The following DAB1 variants were observed in gnomAD, a reference collection of about 807,000 sequenced individuals.
DAB1 encodes the protein DAB adaptor protein 1.
Under a neutral mutation model 64.6 loss-of-function variants are expected in DAB1, and 15 were observed. That is an observed-to-expected ratio of 0.23 (90% CI 0.16 to 0.36). The LOEUF (loss-of-function observed/expected upper bound fraction) is 0.36, where lower values mean the gene tolerates loss of function less well. Among genes scored for constraint, DAB1 ranks in the 10% least tolerant of loss-of-function variants. The pLI is 1.00. For synonymous variants in DAB1, 235 were observed against 251.9 expected, an observed-to-expected ratio of 0.93 and a Z score of 0.64; for missense variants, 596 against 706.7, an observed-to-expected ratio of 0.84 and a Z score of 1.78.
At chr1:58,312,010 G>A (rs1662442114) in intron 4 of DAB1, among the ~76,000 whole-genome samples, 1 of 152,148 alleles carries the variant, frequency 6.6e-6, no homozygotes, top group South Asian at 2.1e-4. Flanking sequence ...TGTAATAAGT[G>A]CATTAGCATC....
intron 1 of DAB1, among the ~76,000 whole-genome samples, chr1:57,850,701 A>G (rs1653484416): frequency 6.6e-6 from 1 of 152,142 alleles, no homozygotes; most frequent in Non-Finnish European, 1.5e-5. Flanking sequence ...GGCACATTCA[A>G]TGTGATACAC....
chr1:57,169,257 C>T (rs967348741), intron 2 of DAB1, among the ~76,000 whole-genome samples: 1 of 152,046 alleles, frequency 6.6e-6, no homozygotes, highest in African/African-American at 2.4e-5. Context: ...ATAGAGAAAC[C>T]CACTCTTCAA....
At chr1:57,092,457 T>C (rs1184287944) in intron 4 of DAB1, among the ~76,000 whole-genome samples, 2 of 152,006 alleles carry the variant, frequency 1.3e-5, no homozygotes, top group African/African-American at 4.8e-5. Context: ...TCATGAGATG[T>C]CATGGTTTTA....
chr1:58,131,341 T>C (rs1056796440), intron 5 of DAB1, among the ~76,000 whole-genome samples: 1 of 140,768 alleles, frequency 7.1e-6, no homozygotes, highest in African/African-American at 2.5e-5. Context: ...CTATTGGTTA[T>C]TCTAGTTATA....
In DAB1 at chr1:57,951,423, T is replaced by C. The variant is rs12044694; in HGVS notation, n.388-67261A>G. ...TTATTCAAATTGCCAGTTTGACCAA[T>C]GTAGAAACACTGACTTATCCAGTTG... On this transcript the variant is annotated intron_variant and non_coding_transcript_variant, in intron 5 of 20. Coordinates refer to the DAB1 transcript ENST00000485760. Among the ~76,000 whole-genome samples, 1,130 of 150,420 alleles carry C rather than the reference T, an allele frequency of 7.5e-3. 23 individuals carry two copies. The East Asian group carries it at 0.08, about 11-fold the overall frequency.
At chr1:57,913,642 T>C (rs1314340277) in intron 5 of DAB1, among the ~76,000 whole-genome samples, 1 of 152,072 alleles carries the variant, frequency 6.6e-6, no homozygotes, top group Non-Finnish European at 1.5e-5. Flanking sequence ...GAAACTACCA[T>C]CAGAGTGAAC....
rs370863642 is a variant in DAB1 at position 58,473,411 on chromosome 1, G to A, written n.257+32649C>T. The stretch of plus-strand genomic sequence containing the variant: ...CAAAAAATTAGCCGGGCGCGGTGGC[G>A]GGCGCCTGTAGTCCCAGCTACTCGG... On this transcript the variant is annotated intron_variant and non_coding_transcript_variant, in intron 3 of 20. Transcript: ENST00000485760. Among the ~76,000 whole-genome samples the A allele has an allele frequency of 0.011, 1,626 of 151,820 alleles. 47 individuals are homozygous for A. The East Asian group carries it at 0.12, about 11-fold the overall frequency.
At chr1:58,015,113 C>G (rs1646720286) in intron 5 of DAB1, among the ~76,000 whole-genome samples, 1 of 152,198 alleles carries the variant, frequency 6.6e-6, no homozygotes, top group South Asian at 2.1e-4. Context: ...TTGGCCTTAG[C>G]TATGCCATCC....
At chr1:58,328,960 A>G (rs1486294247) in intron 4 of DAB1, among the ~76,000 whole-genome samples, 1 of 152,178 alleles carries the variant, frequency 6.6e-6, no homozygotes, top group Non-Finnish European at 1.5e-5. Context: ...CCCAGGCAGA[A>G]ATAACCACTC....
At chr1:58,326,271 A>G (rs1239309040) in intron 4 of DAB1, among the ~76,000 whole-genome samples, 2 of 152,148 alleles carry the variant, frequency 1.3e-5, no homozygotes, top group African/African-American at 4.8e-5. Context: ...TGCGATTTTT[A>G]AATAACTCAG....
chr1:58,199,595 A>G (rs147832060), intron 4 of DAB1, among the ~76,000 whole-genome samples: 1 of 152,314 alleles, frequency 6.6e-6, no homozygotes, highest in East Asian at 1.9e-4. Flanking sequence ...TGTCATTTAA[A>G]TATTTACTAT....
intron 5 of DAB1, among the ~76,000 whole-genome samples, chr1:57,967,081 C>T (rs766989764): frequency 3.9e-5 from 6 of 152,122 alleles, no homozygotes; most frequent in Admixed American, 1.3e-4. Context: ...ACAAGAATGT[C>T]AAGAGCTTTT....
At chr1:57,578,853 C>T (rs919534867) in intron 7 of DAB1, among the ~76,000 whole-genome samples, 2 of 152,210 alleles carry the variant, frequency 1.3e-5, no homozygotes, top group African/African-American at 2.4e-5. Flanking sequence ...GACTTCCTTT[C>T]TAATTCTCTG....
intron 7 of DAB1, among the ~76,000 whole-genome samples, chr1:57,479,729 G>C (rs1003245838): frequency 6.6e-6 from 1 of 152,066 alleles, no homozygotes; most frequent in Non-Finnish European, 1.5e-5. Flanking sequence ...TGGCACAATG[G>C]AAGCTCCTTG....
intron 6 of DAB1, among the ~76,000 whole-genome samples, chr1:57,731,490 A>G (rs1647414876): frequency 1.3e-5 from 2 of 151,834 alleles, no homozygotes; most frequent in Admixed American, 1.3e-4. Flanking sequence ...TTACCACAAT[A>G]AAAAATGAAA....
intron 7 of DAB1, among the ~76,000 whole-genome samples, chr1:57,531,465 C>T (rs1489334449): frequency 2.0e-5 from 3 of 152,114 alleles, no homozygotes; most frequent in African/African-American, 7.2e-5. Flanking sequence ...GTGGTCTCTT[C>T]ACAGGGACAC....
intron 3 of DAB1, among the ~76,000 whole-genome samples, chr1:58,451,920 C>CTTT (rs34824870): frequency 6.9e-4 from 95 of 137,968 alleles, no homozygotes; most frequent in African/African-American, 2.3e-3. Flanking sequence ...TTTTTCTTTC[C>CTTT]TTTTTTTTTT....
chr1:57,474,426 C>A (rs757365739), intron 7 of DAB1, among the ~76,000 whole-genome samples: 7 of 152,098 alleles, frequency 4.6e-5, no homozygotes, highest in Non-Finnish European at 8.8e-5. Flanking sequence ...CAAATATTAT[C>A]TAATTTAAAA....
At chr1:57,594,400 C>A (rs1315067836) in intron 7 of DAB1, among the ~76,000 whole-genome samples, 1 of 152,094 alleles carries the variant, frequency 6.6e-6, no homozygotes, top group Non-Finnish European at 1.5e-5. Flanking sequence ...TTCTGGAGCA[C>A]CCTGGGTTTA....
Sources: gnomAD v4.1 joint callset for allele counts (sites outside exome capture counted in the v4.1 genomes callset) on GRCh38, gnomAD v4.1.1 for gene constraint, MANE v1.5 for transcripts, NCBI Gene and HGNC (gene_info 2026-07-23, HGNC 2026-07-21) for gene names.